Variants in MED19 observed in about 807,000 individuals in gnomAD.
MED19 encodes the protein mediator of RNA polymerase II transcription subunit 19.
A neutral mutation model predicts 19.9 loss-of-function variants in MED19; 4 were observed. That is an observed-to-expected ratio of 0.20 (90% CI 0.10 to 0.46). The LOEUF (loss-of-function observed/expected upper bound fraction) is 0.46. Ranked by LOEUF, MED19 falls within the 20% of genes least tolerant of loss-of-function variation. The probability of loss-of-function intolerance (pLI) is 0.99; values close to 1 mark genes in which losing one functional copy is unlikely to be tolerated. For synonymous variants in MED19, 139 were observed against 119.6 expected, an observed-to-expected ratio of 1.16 and a Z score of -1.06; for missense variants, 303 against 318.7, an observed-to-expected ratio of 0.95 and a Z score of 0.38.
chr11:57,709,093 T>A (rs889313070), intron 1 of MED19, among the ~76,000 whole-genome samples: 2 of 152,188 alleles, frequency 1.3e-5, no homozygotes, highest in Non-Finnish European at 2.9e-5. Context: ...ATGAAAGGCA[T>A]CTGGGAGGCT....
chr11:57,703,983 C>CA (rs1304364027), exon 5 of MED19: 7 of 1,530,482 alleles, frequency 4.6e-6, no homozygotes, highest in Non-Finnish European at 6.1e-6. Context: ...CAGCTTTTAT[C>CA]AGCAGGTTCA....
chr11:57,704,937 C>A (rs376661645), intron 2 of MED19, 36 bp downstream of exon 2: 3 of 1,606,132 alleles, frequency 1.9e-6, no homozygotes, highest in Non-Finnish European at 2.6e-6. Flanking sequence ...CATGTTTAGG[C>A]CTCCCCATTT....
At chr11:57,712,199 C>T (rs1046290760) in exon 1 of MED19, 2 of 1,506,370 alleles carry the variant, frequency 1.3e-6, no homozygotes, top group African/African-American at 2.8e-5. Flanking sequence ...CGCCCCGGCG[C>T]TGTCTCCGTG....
rs34198151 is a variant in MED19, at chr11:57,704,669, GTTTTTTTTTT to G, written c.571+40_571+49del. The G allele has an allele frequency of 6.0e-4, 774 of 1,287,802 alleles. 1 individual carries two copies. In the African/African-American group the frequency reaches 0.011, roughly 18 times the overall value. The allele number at this position is 1,287,802 out of a possible 1,614,324, so 79.8% of individuals were successfully genotyped here. On this transcript the variant is annotated intron_variant, in intron 3 of 4. Transcript: ENST00000431606. ...GTTCAAACCAGATTCAGAAGGTCAG[GTTTTTTTTTT>G]TTTTTTTTTTTTTTTGCTTTGAATA...
exon 5 of MED19, chr11:57,704,084 G>A: frequency 1.3e-6 from 2 of 1,536,126 alleles, no homozygotes. Context: ...GCCCATACCT[G>A]GGTGGTCTGG....
At chr11:57,707,196 TCA>T (rs1491370608) in intron 1 of MED19, among the ~76,000 whole-genome samples, 2 of 122,796 alleles carry the variant, frequency 1.6e-5, no homozygotes, top group Non-Finnish European at 3.3e-5. Context: ...AGATTCCATC[TCA>T]AAAAAAAAAA....
At chr11:57,710,172 C>G (rs1188454712) in intron 1 of MED19, among the ~76,000 whole-genome samples, 1 of 152,106 alleles carries the variant, frequency 6.6e-6, no homozygotes, top group Admixed American at 6.6e-5. Context: ...GACCAGCTTG[C>G]GCAACACAGT....
chr11:57,705,547 A>G (rs567520262), intron 1 of MED19, among the ~76,000 whole-genome samples: 2 of 151,364 alleles, frequency 1.3e-5, no homozygotes, highest in African/African-American at 4.8e-5. Context: ...CCAACTACTC[A>G]GGAGGCTGGG....
intron 1 of MED19, among the ~76,000 whole-genome samples, chr11:57,705,482 G>A (rs1289577629): frequency 4.6e-5 from 7 of 151,838 alleles, no homozygotes; most frequent in East Asian, 1.9e-4. Context: ...GTGAAACTCC[G>A]TCTCTAGTAA....
At chr11:57,710,266 G>A (rs116152192) in intron 1 of MED19, among the ~76,000 whole-genome samples, 2,635 of 152,282 alleles carry the variant, frequency 0.017, 89 homozygotes, top group African/African-American at 0.059. Context: ...GAAGGCTGAG[G>A]TGGGACGACA....
At chr11:57,711,885 G>A (rs1946626191) in intron 1 of MED19, 78 bp downstream of exon 1, 4 of 1,360,898 alleles carry the variant, frequency 2.9e-6, no homozygotes, top group South Asian at 1.8e-5. Flanking sequence ...TCGCACCTCC[G>A]CTAGCCGGCT....
intron 1 of MED19, among the ~76,000 whole-genome samples, chr11:57,708,218 CAT>C (rs768324470): frequency 1.3e-5 from 2 of 152,168 alleles, no homozygotes; most frequent in Non-Finnish European, 2.9e-5. Context: ...ATGGCACCCA[CAT>C]GTTCCAGATA....
chr11:57,711,058 T>A (rs991802443), intron 1 of MED19, among the ~76,000 whole-genome samples: 3 of 152,234 alleles, frequency 2.0e-5, no homozygotes, highest in African/African-American at 7.2e-5. Context: ...TTGTTTACAA[T>A]GCCTCCTCCA....
At chr11:57,707,501 C>G (rs1169269398) in intron 1 of MED19, among the ~76,000 whole-genome samples, 1 of 152,216 alleles carries the variant, frequency 6.6e-6, no homozygotes, top group Non-Finnish European at 1.5e-5. Flanking sequence ...ACAGTACACA[C>G]ATTAGGTGCT....
intron 4 of MED19, 69 bp from the exon 5 acceptor site, chr11:57,704,175 G>C: frequency 6.5e-7 from 1 of 1,531,030 alleles, no homozygotes; most frequent in Non-Finnish European, 8.7e-7. Context: ...CTGTACAGGA[G>C]AAACCTGCAA....
At chr11:57,711,808 C>T (rs1946621484) in intron 1 of MED19, among the ~76,000 whole-genome samples, 155 bp downstream of exon 1, 2 of 152,138 alleles carry the variant, frequency 1.3e-5, no homozygotes, top group Non-Finnish European at 2.9e-5. Flanking sequence ...CATCCCTCTG[C>T]TTGTGAATCC....
At chr11:57,704,619 A>G in intron 3 of MED19, 100 bp downstream of exon 3, 1 of 1,608,594 alleles carries the variant, frequency 6.2e-7, no homozygotes, top group Non-Finnish European at 8.5e-7. Flanking sequence ...CTCCATACGG[A>G]ACTTAACTGG....
rs1590884775 is a variant in MED19, at chr11:57,711,848, G to C, written c.217+115C>G. On this transcript the variant is annotated intron_variant, in intron 1 of 4. Coordinates refer to ENST00000431606, the Ensembl canonical transcript of MED19. ...AGCGCTTCCGACTTAGGGCTCCACAGTCCGGGTATGCGTTGCCTAGGTTAC... is the reference window on the plus strand; with the variant it reads ...AGCGCTTCCGACTTAGGGCTCCACACTCCGGGTATGCGTTGCCTAGGTTAC... The C allele has an allele frequency of 4.2e-6, 5 of 1,183,340 alleles. No individual in the cohort carries two copies. The East Asian group carries it at 1.2e-4, about 29-fold the overall frequency. The allele number at this position is 1,183,340 out of a possible 1,614,324, so 73.3% of individuals were successfully genotyped here. A position where few individuals can be genotyped will look rare whatever the true frequency, so the allele number is the denominator to read the frequency against.
intron 1 of MED19, 149 bp from the exon 2 acceptor site, chr11:57,705,378 G>A (rs1285440200): frequency 7.3e-6 from 7 of 954,038 alleles, no homozygotes; most frequent in Non-Finnish European, 1.0e-5. Context: ...CAGGCCGGAT[G>A]CAGTGGCTCA....
Sources: allele counts gnomAD v4.1 joint callset (sites outside exome capture counted in the v4.1 genomes callset), GRCh38; gene constraint gnomAD v4.1.1; transcripts MANE v1.5; gene names NCBI Gene and HGNC (gene_info 2026-07-23, HGNC 2026-07-21).